The following ASB15 variants were observed in gnomAD, a reference collection of about 807,000 sequenced individuals.
ASB15 encodes the protein ankyrin repeat and SOCS box containing 15, also known as ankyrin repeat and SOCS box protein 15.
A neutral mutation model predicts 58.0 loss-of-function variants in ASB15; 54 were observed. The observed-to-expected ratio is 0.93, with a 90% CI of 0.75 to 1.17. The LOEUF (loss-of-function observed/expected upper bound fraction) is 1.17, where lower values mean the gene tolerates loss of function less well. ASB15 is among the 50% of genes most tolerant of loss of function. ASB15 has a pLI of 0.00. For synonymous variants in ASB15, 249 were observed against 262.4 expected (o/e 0.95, Z 0.50); for missense variants, 680 against 707.4 (o/e 0.96, Z 0.44).
In ASB15 at chr7:123,627,229, A is replaced by C. The variant is rs752415178; in HGVS notation, c.817A>C (p.Asn273His). Residue 273 changes from asparagine (N) to histidine (H), a missense_variant, in exon 9 of 12, where the codon AAC (asparagine) becomes CAC (histidine). Asn to His is a moderately conservative substitution (Grantham distance 68). Transcript: ENST00000451215. ...ATATGGAGGAAGCGGAAATGTACCT[A>C]ACCGAGCAGGACATCTTCCTATACA... ...LEYGGSGNVP[N>H]RAGHLPIHRA... 1 of 1,613,990 alleles carries C rather than the reference A, an allele frequency of 6.2e-7. No homozygotes were observed. Among genetic ancestry groups the C allele is most frequent in the South Asian group, 1.1e-5 (1 of 91,080 alleles).
chr7:123,587,569 T>C (rs1190996649), intron 1 of ASB15, among the ~76,000 whole-genome samples: 2 of 151,652 alleles, frequency 1.3e-5, no homozygotes, highest in Non-Finnish European at 3.0e-5. Context: ...GGTGAGAACC[T>C]CCAGTACTAT....
intron 11 of ASB15, among the ~76,000 whole-genome samples, chr7:123,635,245 G>C (rs1802356181): frequency 6.6e-6 from 1 of 152,088 alleles, no homozygotes; most frequent in Admixed American, 6.6e-5. Context: ...GAATTTCTTT[G>C]GTCTCCGGCA....
chr7:123,586,277 G>A (rs752733758), intron 1 of ASB15, among the ~76,000 whole-genome samples: 34 of 151,784 alleles, frequency 2.2e-4, no homozygotes, highest in Non-Finnish European at 3.8e-4. Flanking sequence ...CTTCCTAACA[G>A]GTGTGAAGTG....
chr7:123,601,358 G>A (rs1045814414), upstream of ASB15, among the ~76,000 whole-genome samples: 4 of 152,026 alleles, frequency 2.6e-5, no homozygotes, highest in Non-Finnish European at 4.4e-5. Flanking sequence ...ATCTCCGTCT[G>A]TATATCAGAC....
intron 4 of ASB15, 130 bp from the exon 5 acceptor site, chr7:123,616,091 A>G (rs1800793277): frequency 1.3e-6 from 1 of 745,932 alleles, no homozygotes; most frequent in Admixed American, 2.8e-5. Flanking sequence ...GATAAAATCA[A>G]TTATATGCAT....
chr7:123,615,323 T>C (rs940763780), intron 4 of ASB15: 2 of 152,238 alleles, frequency 1.3e-5, no homozygotes, highest in African/African-American at 4.8e-5. Context: ...CTTTTTGTTA[T>C]AGTGTTTAAA....
chr7:123,620,431 C>A (rs1160515325), intron 7 of ASB15: 1 of 142,034 alleles, frequency 7.0e-6, no homozygotes, highest in Non-Finnish European at 1.5e-5. Context: ...TTTTCCTGAG[C>A]AGGCTCTACA....
intron 3 of ASB15, among the ~76,000 whole-genome samples, chr7:123,613,494 A>G (rs1800592565): frequency 6.6e-6 from 1 of 152,204 alleles, no homozygotes; most frequent in Non-Finnish European, 1.5e-5. Context: ...GTAAAATAGT[A>G]AATTCATTCT....
intron 11 of ASB15, among the ~76,000 whole-genome samples, chr7:123,633,543 A>G (rs1394609423): frequency 6.6e-6 from 1 of 152,188 alleles, no homozygotes; most frequent in African/African-American, 2.4e-5. Flanking sequence ...CTGAATTTGA[A>G]TTAGAAATAA....
chr7:123,585,216 CT>C (rs780392490), intron 1 of ASB15, among the ~76,000 whole-genome samples: 4 of 151,682 alleles, frequency 2.6e-5, no homozygotes, highest in Non-Finnish European at 4.4e-5. Context: ...ACCAATCCCC[CT>C]CTTAGAAATT....
intron 10 of ASB15, 71 bp downstream of exon 10, chr7:123,629,505 T>A: frequency 7.6e-7 from 1 of 1,323,908 alleles, no homozygotes. Flanking sequence ...CAATTAGGGA[T>A]GTTACAAGAA....
intron 1 of ASB15, among the ~76,000 whole-genome samples, chr7:123,594,515 G>A (rs1799638135): frequency 6.6e-6 from 1 of 152,138 alleles, no homozygotes; most frequent in Non-Finnish European, 1.5e-5. Flanking sequence ...CTGTTTGTTA[G>A]TTTTCCTTCT....
At chr7:123,578,599 A>G (rs1584726925) in intron 1 of ASB15, among the ~76,000 whole-genome samples, 1 of 151,994 alleles carries the variant, frequency 6.6e-6, no homozygotes, top group Non-Finnish European at 1.5e-5. Flanking sequence ...CTTATTATGG[A>G]GACCTTTGCC....
At chr7:123,604,742 G>A (rs1800056786) in intron 2 of ASB15, among the ~76,000 whole-genome samples, 1 of 152,052 alleles carries the variant, frequency 6.6e-6, no homozygotes, top group African/African-American at 2.4e-5. Flanking sequence ...TCTGAAAATT[G>A]GTGATTCTAG....
chr7:123,616,463 C>T lies in ASB15; in HGVS notation c.260C>T (p.Pro87Leu). ...CCATTGCATGAAGCTGTTGTTCAACCCATTCAACAAATACTTGAGATTGTT... is the reference window on the plus strand; with the variant it reads ...CCATTGCATGAAGCTGTTGTTCAACTCATTCAACAAATACTTGAGATTGTT... ...WFPLHEAVVQ[P>L]IQQILEIVLD... The change falls in exon 6 of 12, where the codon CCC becomes CTC. Residue 87 changes from proline to leucine, a missense_variant. Transcript: ENST00000451215. The T allele has an allele frequency of 6.2e-7, 1 of 1,612,358 alleles. No homozygotes were observed. The highest frequency in any genetic ancestry group is 1.3e-5 in the African/African-American group (1 of 74,912).
chr7:123,623,789 A>G (rs1584801033), intron 7 of ASB15, among the ~76,000 whole-genome samples: 1 of 149,932 alleles, frequency 6.7e-6, no homozygotes, highest in Admixed American at 6.7e-5. Context: ...GCTTGAACCC[A>G]GGAGGTGGAG....
In ASB15 at chr7:123,637,383, T is replaced by C. The variant is rs552552956; in HGVS notation, c.*402T>C. On this transcript the variant is annotated 3_prime_UTR_variant, in exon 12 of 12. Coordinates refer to ENST00000451215, the MANE Select transcript of ASB15 (RefSeq NM_001290258.2). The stretch of plus-strand genomic sequence containing the variant: ...TCCTCCTGCCTGTAAGTTCACAGAC[T>C]GTGATCTGGCATCTGACCCTCCACT... 6.4e-6 allele frequency: 1 copy of C among 156,052 alleles called. No homozygotes were observed. Among genetic ancestry groups the C allele is most frequent in the East Asian group, 1.9e-4 (1 of 5,246 alleles). The allele number at this position is 156,052 out of a possible 1,614,324, so 9.7% of individuals were successfully genotyped here. A position where few individuals can be genotyped will look rare whatever the true frequency, so the allele number is the denominator to read the frequency against.
chr7:123,621,996 T>A (rs1321742584), intron 7 of ASB15, among the ~76,000 whole-genome samples: 1 of 152,164 alleles, frequency 6.6e-6, no homozygotes. Flanking sequence ...CACAGATCAG[T>A]TCATTTTGCT....
At chr7:123,594,737 G>C (rs530171914) in intron 1 of ASB15, among the ~76,000 whole-genome samples, 1 of 152,134 alleles carries the variant, frequency 6.6e-6, no homozygotes. Flanking sequence ...GCTACACGGG[G>C]GTCAGGGACC....
Sources: gnomAD v4.1 joint callset for allele counts (sites outside exome capture counted in the v4.1 genomes callset) on GRCh38, gnomAD v4.1.1 for gene constraint, MANE v1.5 for transcripts, NCBI Gene and HGNC (gene_info 2026-07-23, HGNC 2026-07-21) for gene names.